Variants in DCDC2C observed in about 807,000 individuals in gnomAD.
The protein encoded by DCDC2C is doublecortin domain containing 2C, also known as doublecortin domain-containing protein 2C.
A neutral mutation model predicts 45.0 loss-of-function variants in DCDC2C; 44 were observed. The observed-to-expected ratio is 0.98, with a 90% CI of 0.77 to 1.26. DCDC2C has a LOEUF of 1.26. Ranked by LOEUF, DCDC2C falls within the 50% of genes most tolerant of loss-of-function variation. The probability of loss-of-function intolerance (pLI) is 0.00; values close to 1 mark genes in which losing one functional copy is unlikely to be tolerated. For missense variants in DCDC2C, 447 were observed against 468.9 expected (o/e 0.95, Z 0.43); for synonymous variants, 187 against 178.8 (o/e 1.05, Z -0.37).
intron 3 of DCDC2C, among the ~76,000 whole-genome samples, chr2:3,728,886 G>T (rs1668778721): frequency 6.6e-6 from 1 of 152,216 alleles, no homozygotes; most frequent in Admixed American, 6.5e-5. Flanking sequence ...CTCCCCTGAT[G>T]GGGTCACCGG....
At chr2:3,780,074 C>A (rs570162898) in intron 9 of DCDC2C, among the ~76,000 whole-genome samples, 1 of 152,274 alleles carries the variant, frequency 6.6e-6, no homozygotes, top group East Asian at 1.9e-4. Context: ...GGTATCCTGT[C>A]TGTATCTGGA....
At chr2:3,783,360 T>G (rs1199430933) in intron 9 of DCDC2C, among the ~76,000 whole-genome samples, 2 of 152,178 alleles carry the variant, frequency 1.3e-5, no homozygotes, top group South Asian at 2.1e-4. Flanking sequence ...TTTCCAGCTC[T>G]CACCCACTTC....
At chr2:3,767,696 C>G in intron 6 of DCDC2C, 58 bp from the exon 7 acceptor site, 1 of 1,534,440 alleles carries the variant, frequency 6.5e-7, no homozygotes, top group Non-Finnish European at 8.8e-7. Context: ...AGAACCTGAT[C>G]GGACTCCTTG....
chr2:3,847,795 T>G lies in DCDC2C; in HGVS notation c.*612T>G, dbSNP rs1672369825. Among the ~76,000 whole-genome samples, 1 of 152,142 alleles carries G rather than the reference T, an allele frequency of 6.6e-6. No homozygotes were observed. The highest frequency in any genetic ancestry group is 1.5e-5 in the Non-Finnish European group (1 of 68,022). ...GTGGTCTTCCCCCTTGCTGTTCTCG[T>G]GATAGTGAGTGAGTGCTCCCGAGAT... is the stretch of plus-strand genomic sequence containing the variant. On this transcript the variant is annotated 3_prime_UTR_variant, in exon 11 of 11. Coordinates refer to ENST00000399143, the MANE Select transcript of DCDC2C (RefSeq NM_001287444.2).
intron 2 of DCDC2C, among the ~76,000 whole-genome samples, chr2:3,718,868 G>A (rs1668418289): frequency 6.6e-6 from 1 of 152,292 alleles, no homozygotes; most frequent in African/African-American, 2.4e-5. Flanking sequence ...GCTACAGATT[G>A]CTGACTGGTG....
At chr2:3,730,466 G>T (rs1347293450) in intron 3 of DCDC2C, among the ~76,000 whole-genome samples, 1 of 152,036 alleles carries the variant, frequency 6.6e-6, no homozygotes, top group African/African-American at 2.4e-5. Context: ...CCATCATTAC[G>T]ACAGAACAAA....
rs961197257 is a variant in DCDC2C, at chr2:3,763,136, C to T, written c.727-4618C>T. On this transcript the variant is annotated intron_variant, in intron 6 of 10. Coordinates refer to ENST00000399143, the MANE Select transcript of DCDC2C (RefSeq NM_001287444.2). The stretch of plus-strand genomic sequence containing the variant: ...GATGCCCAACCGCTGCCAGTGTGTC[C>T]GGAGTCAAGTCTTACCTGTTCCACT... Among the ~76,000 whole-genome samples, 4 of 152,290 alleles carry T rather than the reference C, an allele frequency of 2.6e-5. No homozygotes were observed. In the East Asian group the frequency reaches 7.7e-4, roughly 29 times the overall value.
intron 2 of DCDC2C, among the ~76,000 whole-genome samples, chr2:3,715,721 G>A (rs558911412): frequency 6.6e-6 from 1 of 152,210 alleles, no homozygotes; most frequent in African/African-American, 2.4e-5. Flanking sequence ...TAAGCCCAAC[G>A]GTTTTTTCAC....
chr2:3,746,394 C>T (rs1406238858), intron 4 of DCDC2C, among the ~76,000 whole-genome samples: 5 of 152,114 alleles, frequency 3.3e-5, no homozygotes, highest in Non-Finnish European at 5.9e-5. Flanking sequence ...TGGGGACGAG[C>T]ACGACCCACT....
intron 6 of DCDC2C, among the ~76,000 whole-genome samples, chr2:3,756,975 G>A (rs1669738942): frequency 6.6e-6 from 1 of 152,184 alleles, no homozygotes; most frequent in Non-Finnish European, 1.5e-5. Flanking sequence ...GATGATCACT[G>A]AGATTACAAA....
chr2:3,704,216 C>T, intron 1 of DCDC2C, 178 bp downstream of exon 1: 2 of 538,944 alleles, frequency 3.7e-6, no homozygotes, highest in Non-Finnish European at 5.6e-6. Context: ...CACGTGGTTT[C>T]CTGGGGGCGA....
chr2:3,753,820 G>A (rs1001153640), intron 5 of DCDC2C, among the ~76,000 whole-genome samples: 4 of 152,284 alleles, frequency 2.6e-5, no homozygotes, highest in African/African-American at 9.6e-5. Flanking sequence ...GCAGAGAAAG[G>A]CTCCCTTTGT....
intron 5 of DCDC2C, among the ~76,000 whole-genome samples, chr2:3,753,456 C>T (rs1296719523): frequency 1.3e-5 from 2 of 151,972 alleles, no homozygotes; most frequent in African/African-American, 4.8e-5. Flanking sequence ...CTGTGGGATT[C>T]TTCATCCTCA....
chr2:3,730,948 G>A (rs557864717), intron 3 of DCDC2C, among the ~76,000 whole-genome samples: 69 of 152,286 alleles, frequency 4.5e-4, no homozygotes, highest in Admixed American at 1.9e-3. Context: ...CTCGAGTGTC[G>A]TCTACAAACA....
chr2:3,821,867 C>G (rs1671695075), intron 10 of DCDC2C, among the ~76,000 whole-genome samples: 2 of 152,008 alleles, frequency 1.3e-5, no homozygotes, highest in African/African-American at 4.8e-5. Flanking sequence ...TCAAAATGAC[C>G]CTTTAGAAGT....
chr2:3,763,787 G>A (rs548406840), intron 6 of DCDC2C, among the ~76,000 whole-genome samples: 6 of 152,246 alleles, frequency 3.9e-5, no homozygotes, highest in East Asian at 1.9e-4. Flanking sequence ...AGGCACTTGC[G>A]CTTGGTGCTA....
At chr2:3,728,359 G>A (rs1227975359) in intron 3 of DCDC2C, among the ~76,000 whole-genome samples, 2 of 152,186 alleles carry the variant, frequency 1.3e-5, no homozygotes, top group East Asian at 3.8e-4. Flanking sequence ...ATGTACCTAA[G>A]AGCTGTTTTG....
Position 3,754,619 on chromosome 2 carries a change from A to G in DCDC2C, c.711A>G (p.Ser237=). 6.5e-7 allele frequency: 1 copy of G among 1,549,580 alleles called. No individual in the cohort carries two copies. The highest frequency in any genetic ancestry group is 1.2e-5 in the South Asian group (1 of 83,666). ...QQRYANVEKN[S]QRKKKVDSKG... is the part of the protein sequence containing the mutation. ...GGTATGCGAATGTTGAAAAAAACTC[A>G]CAGAGAAAGAAAAAAGTAAGTAACT... The change falls in exon 6 of 11, where the codon TCA becomes TCG. Residue 237 remains serine, a synonymous_variant. Coordinates refer to ENST00000399143, the MANE Select transcript of DCDC2C (RefSeq NM_001287444.2).
At chr2:3,741,335 C>T (rs868546428) in intron 3 of DCDC2C, among the ~76,000 whole-genome samples, 2 of 152,158 alleles carry the variant, frequency 1.3e-5, no homozygotes, top group Non-Finnish European at 2.9e-5. Context: ...TCCAAATGGA[C>T]ACAATTTTCT....
Sources: allele counts gnomAD v4.1 joint callset (sites outside exome capture counted in the v4.1 genomes callset), GRCh38; gene constraint gnomAD v4.1.1; transcripts MANE v1.5; gene names NCBI Gene and HGNC (gene_info 2026-07-23, HGNC 2026-07-21).